Variants in TBC1D5 observed in about 807,000 individuals in gnomAD.
TBC1D5 encodes TBC1 domain family member 5, also known as TBC1 domain family, member 5.
A neutral mutation model predicts 100.3 loss-of-function variants in TBC1D5; 75 were observed. The ratio of observed to expected loss-of-function variants is 0.75; its 90% CI spans 0.62 to 0.91. The LOEUF is 0.91. TBC1D5 is among the 40% of genes least tolerant of loss of function. TBC1D5 has a pLI of 0.00. For synonymous variants in TBC1D5, 323 were observed against 325.6 expected (o/e 0.99, Z 0.09); for missense variants, 910 against 942.4 (o/e 0.97, Z 0.45).
chr3:17,174,990 G>A (rs1243624428), intron 19 of TBC1D5, among the ~76,000 whole-genome samples: 1 of 152,174 alleles, frequency 6.6e-6, no homozygotes, highest in Non-Finnish European at 1.5e-5. Flanking sequence ...ATCCCCTAAG[G>A]AATAAATGTA....
At chr3:17,230,782 T>A (rs1207526299) in intron 17 of TBC1D5, among the ~76,000 whole-genome samples, 2 of 152,126 alleles carry the variant, frequency 1.3e-5, no homozygotes, top group Non-Finnish European at 2.9e-5. Context: ...AATCTAGTCA[T>A]CTCTCAGTAT....
chr3:17,543,936 C>T (rs1262554623), intron 2 of TBC1D5, among the ~76,000 whole-genome samples: 3 of 151,430 alleles, frequency 2.0e-5, no homozygotes, highest in Admixed American at 6.6e-5. Context: ...GGCGCGATCT[C>T]GGCTCACTGC....
intron 15 of TBC1D5, among the ~76,000 whole-genome samples, chr3:17,262,441 T>C (rs1226395873): frequency 6.6e-6 from 1 of 151,916 alleles, no homozygotes; most frequent in African/African-American, 2.4e-5. Flanking sequence ...TTTGACACAG[T>C]CGGGACTTCA....
At chr3:17,199,336 A>G (rs766451928) in intron 18 of TBC1D5, among the ~76,000 whole-genome samples, 7 of 152,214 alleles carry the variant, frequency 4.6e-5, no homozygotes, top group Non-Finnish European at 1.0e-4. Context: ...AGCTAAAATG[A>G]TATTATAGTT....
intron 17 of TBC1D5, among the ~76,000 whole-genome samples, chr3:17,229,239 A>T (rs2075200112): frequency 6.6e-6 from 1 of 152,148 alleles, no homozygotes; most frequent in South Asian, 2.1e-4. Context: ...TATAGTGACC[A>T]AGACAATGAG....
At chr3:17,465,717 G>A (rs1449703123) in intron 3 of TBC1D5, among the ~76,000 whole-genome samples, 2 of 152,158 alleles carry the variant, frequency 1.3e-5, no homozygotes, top group Non-Finnish European at 2.9e-5. Flanking sequence ...TATATGTGCT[G>A]TTCTCCAAAT....
intron 19 of TBC1D5, among the ~76,000 whole-genome samples, chr3:17,177,881 T>G (rs1483585707): frequency 6.6e-6 from 1 of 152,196 alleles, no homozygotes; most frequent in Non-Finnish European, 1.5e-5. Context: ...GCATTTATTC[T>G]TTGTGTTACC....
At chr3:17,663,095 G>A (rs1362937291) in intron 1 of TBC1D5, 1 of 151,970 alleles carries the variant, frequency 6.6e-6, no homozygotes, top group Non-Finnish European at 1.5e-5. Context: ...TTGTAATTTT[G>A]TATGTACAAT....
chr3:17,177,839 C>G (rs1295769105), intron 19 of TBC1D5, among the ~76,000 whole-genome samples: 1 of 152,062 alleles, frequency 6.6e-6, no homozygotes, highest in African/African-American at 2.4e-5. Context: ...AATAATCACA[C>G]CAGGGTGAAT....
chr3:17,357,993 T>G (rs2091367756), intron 13 of TBC1D5, among the ~76,000 whole-genome samples: 1 of 152,168 alleles, frequency 6.6e-6, no homozygotes, highest in Admixed American at 6.5e-5. Context: ...AACAACAGGA[T>G]AAAATTCTAT....
At chr3:17,711,475 C>T (rs181375318) in intron 1 of TBC1D5, among the ~76,000 whole-genome samples, 1 of 152,254 alleles carries the variant, frequency 6.6e-6, no homozygotes, top group East Asian at 1.9e-4. Context: ...CCCCCTCATA[C>T]ATAGATAATC....
intron 2 of TBC1D5, among the ~76,000 whole-genome samples, chr3:17,584,581 T>C (rs576281618): frequency 6.6e-6 from 1 of 152,214 alleles, no homozygotes; most frequent in African/African-American, 2.4e-5. Flanking sequence ...TCAAGTAAAA[T>C]TAAATGTAAT....
At chr3:17,578,818 C>T (rs2096673725) in intron 2 of TBC1D5, among the ~76,000 whole-genome samples, 1 of 151,906 alleles carries the variant, frequency 6.6e-6, no homozygotes, top group African/African-American at 2.4e-5. Context: ...GTGGGTAAAA[C>T]TATTTGGTTC....
chr3:17,376,479 T>G (rs755316699), intron 10 of TBC1D5, 46 bp downstream of exon 10: 1 of 1,531,938 alleles, frequency 6.5e-7, no homozygotes, highest in East Asian at 2.3e-5. Context: ...AAGGTTACCG[T>G]GGGGGCTAAA....
At chr3:17,484,413 A>G (rs2095534944) in intron 3 of TBC1D5, among the ~76,000 whole-genome samples, 1 of 151,630 alleles carries the variant, frequency 6.6e-6, no homozygotes, top group African/African-American at 2.4e-5. Context: ...AATTACTCAA[A>G]GCATCCTGAG....
chr3:17,662,388 T>C (rs2066749968), intron 1 of TBC1D5, among the ~76,000 whole-genome samples: 1 of 152,236 alleles, frequency 6.6e-6, no homozygotes, highest in Admixed American at 6.5e-5. Context: ...GGAGGTTACC[T>C]GGAAAGCCTT....
rs548763835 is a variant in TBC1D5 at position 17,475,759 on chromosome 3, A to C, written c.97+32715T>G. Among the ~76,000 whole-genome samples the C allele has an allele frequency of 4.6e-5, 7 of 152,236 alleles. No individual in the cohort carries two copies. In the South Asian group the frequency reaches 1.4e-3, roughly 32 times the overall value. On this transcript the variant is annotated intron_variant, in intron 3 of 21. Transcript: ENST00000253692. ...GTTATCATAAACAATGTTCTTACACACAATTCTTGATGCAGATATGCAATA... is the reference window on the plus strand; with the variant it reads ...GTTATCATAAACAATGTTCTTACACCCAATTCTTGATGCAGATATGCAATA...
At chr3:17,687,395 TTA>T (rs1238604484) in intron 1 of TBC1D5, among the ~76,000 whole-genome samples, 3 of 152,184 alleles carry the variant, frequency 2.0e-5, no homozygotes, top group African/African-American at 7.2e-5. Context: ...ATTTGACCTG[TTA>T]TATTATCATA....
chr3:17,281,968 A>G (rs1275508026), intron 15 of TBC1D5, among the ~76,000 whole-genome samples: 1 of 152,190 alleles, frequency 6.6e-6, no homozygotes, highest in Non-Finnish European at 1.5e-5. Context: ...TCGTTAAATC[A>G]TAACTTTAAG....
Sources: allele counts gnomAD v4.1 joint callset (sites outside exome capture counted in the v4.1 genomes callset), GRCh38; gene constraint gnomAD v4.1.1; transcripts MANE v1.5; gene names NCBI Gene and HGNC (gene_info 2026-07-23, HGNC 2026-07-21).